EGFLAM: variants seen among roughly 807,000 people sequenced by gnomAD.
EGFLAM encodes EGF like, fibronectin type III and laminin G domains.
A neutral mutation model predicts 113.1 loss-of-function variants in EGFLAM; 79 were observed. That is an observed-to-expected ratio of 0.70 (90% CI 0.58 to 0.84). The LOEUF (loss-of-function observed/expected upper bound fraction) is 0.84. EGFLAM is among the 40% of genes least tolerant of loss of function. The pLI, the probability that EGFLAM is intolerant of heterozygous loss-of-function variation, is 0.00. For missense variants in EGFLAM, 1,265 were observed against 1,291.6 expected (o/e 0.98, Z 0.32); for synonymous variants, 504 against 487.6 (o/e 1.03, Z -0.44).
intron 18 of EGFLAM, among the ~76,000 whole-genome samples, chr5:38,449,233 T>G (rs895283890): frequency 3.3e-5 from 5 of 152,214 alleles, no homozygotes; most frequent in African/African-American, 1.2e-4. Flanking sequence ...GGGCAAATCT[T>G]TAAGCGAAAG....
chr5:38,269,601 T>C (rs1757719146), intron 1 of EGFLAM, among the ~76,000 whole-genome samples: 1 of 151,828 alleles, frequency 6.6e-6, no homozygotes, highest in African/African-American at 2.4e-5. Flanking sequence ...GCCATTCTCC[T>C]GCCTCAGCCT....
chr5:38,337,694 C>A, intron 2 of EGFLAM, 65 bp downstream of exon 2: 1 of 1,337,510 alleles, frequency 7.5e-7, no homozygotes, highest in Non-Finnish European at 1.0e-6. Context: ...CTTTCTCATC[C>A]TTGCTTTTTC....
chr5:38,396,593 A>C (rs1327709914), intron 6 of EGFLAM, among the ~76,000 whole-genome samples: 1 of 152,204 alleles, frequency 6.6e-6, no homozygotes, highest in Non-Finnish European at 1.5e-5. Flanking sequence ...CTGAATTTTA[A>C]TGTCAGCCAC....
chr5:38,357,017 T>G (rs1739779884), intron 5 of EGFLAM, among the ~76,000 whole-genome samples: 1 of 151,910 alleles, frequency 6.6e-6, no homozygotes, highest in African/African-American at 2.4e-5. Context: ...GCCCAGGAGG[T>G]CTCTCACCCC....
At position 38,425,057 on chromosome 5, in the gene EGFLAM, GT is replaced by G. The variant is rs2112184611; in HGVS notation, c.1776del (p.Phe596LeufsTer12). On this transcript the variant is annotated frameshift_variant, in exon 13 of 22. Coordinates refer to ENST00000322350, the MANE Select transcript of EGFLAM (RefSeq NM_152403.4). LOFTEE classifies it high-confidence loss of function. The stretch of plus-strand genomic sequence containing the variant: ...AAAGCCGACTCCTACATTTGCCTCT[GT>G]CCCCTTGGGTTTAAAGGTCGACACT... Reference protein sequence around the residue: ...AIKADSYICLCPLGFKGRHCE... With the variant: ...AIKADSYICLXPLGFKGRHCE... The G allele has an allele frequency of 6.2e-7, 1 of 1,614,092 alleles. No individual in the cohort carries two copies. Among genetic ancestry groups the G allele is most frequent in the Non-Finnish European group, 8.5e-7 (1 of 1,179,994 alleles).
intron 21 of EGFLAM, among the ~76,000 whole-genome samples, chr5:38,463,440 C>T (rs925808799): frequency 6.6e-6 from 1 of 152,184 alleles, no homozygotes; most frequent in African/African-American, 2.4e-5. Context: ...CTATTGAAAG[C>T]ATTCGACATC....
chr5:38,412,609 G>A lies in EGFLAM; in HGVS notation c.1455G>A (p.Leu485=), dbSNP rs1232192792. The A allele has an allele frequency of 6.2e-7, 1 of 1,614,118 alleles. No homozygotes were observed. Among genetic ancestry groups the A allele is most frequent in the Non-Finnish European group, 8.5e-7 (1 of 1,180,010 alleles). The stretch of plus-strand genomic sequence containing the variant: ...ACAGAGATGGGCTGAACGGGCTGCT[G>A]CAGCTGAACAATGGCACCCCAGTGA... The part of the protein sequence containing the change: ...MLYRDGLNGL[L]QLNNGTPVTG... The change falls in exon 11 of 22, where the codon CTG becomes CTA. Residue 485 remains leucine, a synonymous_variant. Coordinates refer to ENST00000322350, the MANE Select transcript of EGFLAM (RefSeq NM_152403.4).
intron 1 of EGFLAM, among the ~76,000 whole-genome samples, chr5:38,260,409 A>G (rs1335679578): frequency 1.3e-5 from 2 of 152,262 alleles, no homozygotes; most frequent in African/African-American, 4.8e-5. Context: ...AGCATTTTAT[A>G]AAAACCTGTT....
intron 19 of EGFLAM, among the ~76,000 whole-genome samples, chr5:38,455,371 T>C (rs1414353142): frequency 1.3e-5 from 2 of 152,298 alleles, no homozygotes; most frequent in East Asian, 3.9e-4. Context: ...AAGTTAGACA[T>C]ACATTCTTAT....
chr5:38,294,535 A>T (rs1758407789), intron 1 of EGFLAM, among the ~76,000 whole-genome samples: 1 of 152,172 alleles, frequency 6.6e-6, no homozygotes, highest in Non-Finnish European at 1.5e-5. Flanking sequence ...ATAAGTAAAT[A>T]CACAGGTGTT....
At chr5:38,385,276 C>CCCCT (rs1740627710) in intron 6 of EGFLAM, among the ~76,000 whole-genome samples, 1 of 45,996 alleles carries the variant, frequency 2.2e-5, no homozygotes, top group African/African-American at 1.4e-4. Flanking sequence ...TGTTTCCCAC[C>CCCCT]CACCCCCCCC....
At chr5:38,448,476 A>T in intron 18 of EGFLAM, 97 bp downstream of exon 18, 1 of 1,296,970 alleles carries the variant, frequency 7.7e-7, no homozygotes, top group Non-Finnish European at 1.1e-6. Context: ...CCAGAAGATA[A>T]TTCTCAAAGA....
intron 5 of EGFLAM, among the ~76,000 whole-genome samples, chr5:38,358,342 G>T (rs1739819949): frequency 6.6e-6 from 1 of 151,004 alleles, no homozygotes; most frequent in African/African-American, 2.4e-5. Context: ...AGCTACTCGG[G>T]AGGCTGAGGC....
intron 1 of EGFLAM, among the ~76,000 whole-genome samples, chr5:38,308,474 C>G (rs1366584190): frequency 1.3e-5 from 2 of 152,190 alleles, no homozygotes; most frequent in Non-Finnish European, 2.9e-5. Context: ...TGGAACCAGA[C>G]AGATCTGGAT....
chr5:38,298,186 A>G (rs2589780), intron 1 of EGFLAM, among the ~76,000 whole-genome samples: 96,088 of 152,060 alleles, frequency 0.63, 32,485 homozygotes, highest in African/African-American at 0.88. Flanking sequence ...TTTACTAGCA[A>G]TGAGTCTTTC....
At chr5:38,273,944 GAACTTCAATAA>G (rs1199896637) in intron 1 of EGFLAM, among the ~76,000 whole-genome samples, 5 of 152,066 alleles carry the variant, frequency 3.3e-5, no homozygotes, top group Non-Finnish European at 5.9e-5. Context: ...GAAGTTCAAT[GAACTTCAATAA>G]AATGCGTAGA....
At chr5:38,424,885 T>C (rs558627709) in intron 12 of EGFLAM, 82 bp from the exon 13 acceptor site, 1,380 of 1,547,660 alleles carry the variant, frequency 8.9e-4, no homozygotes, top group Non-Finnish European at 1.2e-3. Flanking sequence ...TTCAGAACCA[T>C]GAGCTGCTGG....
At chr5:38,310,988 G>A (rs1017072434) in intron 1 of EGFLAM, among the ~76,000 whole-genome samples, 1 of 151,934 alleles carries the variant, frequency 6.6e-6, no homozygotes, top group Non-Finnish European at 1.5e-5. Flanking sequence ...ACTGCCCTGC[G>A]ACCCTTCCTC....
chr5:38,409,010 G>A lies in EGFLAM; in HGVS notation c.1255G>A (p.Ala419Thr). ...TTTGTTTGTATAATCACAGGCGGAG[G>A]CAGAGGATGGCTTACTGCTCTACTG... ...FQITLEFRAE[A>T]EDGLLLYCGE... Residue 419 changes from alanine (A) to threonine (T), a missense_variant, in exon 10 of 22, where the codon GCA (alanine) becomes ACA (threonine). By Grantham distance (58) the Ala-to-Thr change is moderately conservative. Coordinates refer to ENST00000322350, the MANE Select transcript of EGFLAM (RefSeq NM_152403.4). 6 of 1,587,834 alleles carry A rather than the reference G, an allele frequency of 3.8e-6. No individual in the cohort carries two copies. Among genetic ancestry groups the A allele is most frequent in the Non-Finnish European group, 5.1e-6 (6 of 1,165,586 alleles).
Sources: allele counts gnomAD v4.1 joint callset (sites outside exome capture counted in the v4.1 genomes callset), GRCh38; gene constraint gnomAD v4.1.1; transcripts MANE v1.5; gene names NCBI Gene and HGNC (gene_info 2026-07-23, HGNC 2026-07-21).